Variants in PRSS12 observed in about 807,000 individuals in gnomAD.
The protein encoded by PRSS12 is neurotrypsin.
A neutral mutation model predicts 104.4 loss-of-function variants in PRSS12; 85 were observed. That is an observed-to-expected ratio of 0.81 (90% CI 0.68 to 0.98). The LOEUF is 0.98. PRSS12 is among the 50% of genes least tolerant of loss of function. The probability of loss-of-function intolerance (pLI) is 0.00; values close to 1 mark genes in which losing one functional copy is unlikely to be tolerated. For missense variants in PRSS12, 1,141 were observed against 1,139.2 expected (o/e 1.00, Z -0.02); for synonymous variants, 454 against 425.2 (o/e 1.07, Z -0.83).
chr4:118,319,629 G>A (rs1189403096), intron 4 of PRSS12, among the ~76,000 whole-genome samples: 1 of 151,968 alleles, frequency 6.6e-6, no homozygotes, highest in Non-Finnish European at 1.5e-5. Context: ...TGTTTAAACT[G>A]CTGTTATTTT....
intron 4 of PRSS12, among the ~76,000 whole-genome samples, chr4:118,327,211 G>C (rs1404017711): frequency 6.6e-6 from 1 of 152,056 alleles, no homozygotes; most frequent in Non-Finnish European, 1.5e-5. Flanking sequence ...CTGGAGTGCA[G>C]TGGTGCAACT....
At chr4:118,340,508 T>C (rs142411733) in intron 1 of PRSS12, among the ~76,000 whole-genome samples, 3 of 152,332 alleles carry the variant, frequency 2.0e-5, no homozygotes, top group African/African-American at 7.2e-5. Flanking sequence ...ACCATCTACC[T>C]AGGACTCAGA....
intron 8 of PRSS12, among the ~76,000 whole-genome samples, chr4:118,305,024 A>G (rs1743507394): frequency 1.3e-5 from 2 of 151,518 alleles, no homozygotes; most frequent in African/African-American, 4.8e-5. Flanking sequence ...TAAGTCCTTT[A>G]TTAAAGATTT....
intron 9 of PRSS12, among the ~76,000 whole-genome samples, chr4:118,296,483 A>C (rs1269594333): frequency 6.6e-6 from 1 of 152,216 alleles, no homozygotes; most frequent in Non-Finnish European, 1.5e-5. Context: ...AAAATATATA[A>C]AAAGGTGGTA....
chr4:118,315,969 G>A (rs763098611), intron 6 of PRSS12, among the ~76,000 whole-genome samples: 4 of 152,166 alleles, frequency 2.6e-5, no homozygotes, highest in Non-Finnish European at 4.4e-5. Context: ...AAGAAGAGGG[G>A]TCATGGCAGG....
chr4:118,337,835 T>A (rs1724100069), intron 2 of PRSS12, among the ~76,000 whole-genome samples: 1 of 152,052 alleles, frequency 6.6e-6, no homozygotes, highest in Non-Finnish European at 1.5e-5. Flanking sequence ...GAAATTATAA[T>A]TTTTAGAATC....
intron 4 of PRSS12, among the ~76,000 whole-genome samples, chr4:118,321,257 CTTAA>C (rs1047951862): frequency 3.3e-5 from 5 of 152,108 alleles, no homozygotes; most frequent in Admixed American, 2.0e-4. Flanking sequence ...TCAATAAATG[CTTAA>C]TTAATAGGAT....
intron 8 of PRSS12, among the ~76,000 whole-genome samples, chr4:118,307,831 C>G (rs1294399376): frequency 6.6e-6 from 1 of 152,030 alleles, no homozygotes; most frequent in Non-Finnish European, 1.5e-5. Context: ...CACTACACAG[C>G]ACTTCGGTAC....
At chr4:118,350,755 A>C (rs549946830) in intron 1 of PRSS12, among the ~76,000 whole-genome samples, 1 of 152,228 alleles carries the variant, frequency 6.6e-6, no homozygotes, top group East Asian at 1.9e-4. Flanking sequence ...TCAGAAAGAG[A>C]GCAACAGATC....
At chr4:118,300,405 C>T (rs1560768773) in intron 8 of PRSS12, among the ~76,000 whole-genome samples, 1 of 151,998 alleles carries the variant, frequency 6.6e-6, no homozygotes. Flanking sequence ...TGTTTAATAA[C>T]ACATTTTAAA....
At position 118,310,557 on chromosome 4, in the gene PRSS12, GT is replaced by G. The variant is rs1486416148; in HGVS notation, c.1490-1981del. ...TTACAGAAATAATAATACATAGCAT[GT>G]TTTATTTCCAAAATCTTAAATATAT... On this transcript the variant is annotated intron_variant, in intron 7 of 12. Coordinates refer to ENST00000296498, the MANE Select transcript of PRSS12 (RefSeq NM_003619.4). Among the ~76,000 whole-genome samples, 19 of 152,190 alleles carry G rather than the reference GT, an allele frequency of 1.2e-4. No homozygotes were observed. The South Asian group carries it at 3.9e-3, about 32-fold the overall frequency.
At chr4:118,299,189 T>C (rs569129007) in intron 8 of PRSS12, among the ~76,000 whole-genome samples, 2 of 152,330 alleles carry the variant, frequency 1.3e-5, no homozygotes, top group South Asian at 4.1e-4. Context: ...GAAACTTACA[T>C]TTAATGGCAC....
intron 11 of PRSS12, among the ~76,000 whole-genome samples, chr4:118,294,172 C>A (rs1382996462): frequency 6.6e-6 from 1 of 152,174 alleles, no homozygotes; most frequent in African/African-American, 2.4e-5. Flanking sequence ...TTTAAAACTT[C>A]ATTGTGACAA....
In PRSS12 at chr4:118,330,726, A is replaced by G. The variant is rs113996440; in HGVS notation, c.971+990T>C. ...GTTGTGATAATGATAATTTGGCTAC[A>G]TAGAACAATGTTCTTATTTGTAAGA... On this transcript the variant is annotated intron_variant, in intron 4 of 12. Coordinates refer to ENST00000296498, the MANE Select transcript of PRSS12 (RefSeq NM_003619.4). Among the ~76,000 whole-genome samples, 617 of 152,360 alleles carry G rather than the reference A, an allele frequency of 4.0e-3. 6 individuals are homozygous for G. The highest frequency in any genetic ancestry group is 0.014 in the African/African-American group (579 of 41,586).
At chr4:118,325,956 C>T (rs184924157) in intron 4 of PRSS12, among the ~76,000 whole-genome samples, 45 of 152,242 alleles carry the variant, frequency 3.0e-4, no homozygotes, top group African/African-American at 8.9e-4. Context: ...TTTCCAATCC[C>T]TATTCAAAAC....
intron 11 of PRSS12, among the ~76,000 whole-genome samples, chr4:118,290,243 A>G (rs1743099072): frequency 6.6e-6 from 1 of 152,194 alleles, no homozygotes; most frequent in Non-Finnish European, 1.5e-5. Context: ...AACAAAAAAA[A>G]GAGCCCATCC....
At chr4:118,298,031 G>C (rs1366196577) in intron 9 of PRSS12, among the ~76,000 whole-genome samples, 4 of 151,524 alleles carry the variant, frequency 2.6e-5, no homozygotes, top group African/African-American at 9.7e-5. Context: ...CCAGCTACTC[G>C]GGAGGCTGAG....
chr4:118,352,756 A>C lies in PRSS12; in HGVS notation c.-36T>G. The C allele has an allele frequency of 6.3e-7, 1 of 1,591,074 alleles. No individual in the cohort carries two copies. Among genetic ancestry groups the C allele is most frequent in the Non-Finnish European group, 8.6e-7 (1 of 1,166,886 alleles). ...CTGCGGGGTCTGGTCCATGCTCCCCAGCTTCTCGGGCTTGGAGCGGAGAAG... is the reference window on the plus strand; with the variant it reads ...CTGCGGGGTCTGGTCCATGCTCCCCCGCTTCTCGGGCTTGGAGCGGAGAAG... On this transcript the variant is annotated 5_prime_UTR_variant, in exon 1 of 13. Transcript: ENST00000296498.
chr4:118,334,129 C>G (rs1182645908), intron 3 of PRSS12, among the ~76,000 whole-genome samples: 2 of 152,144 alleles, frequency 1.3e-5, no homozygotes, highest in African/African-American at 4.8e-5. Flanking sequence ...TTCAGCTATA[C>G]AACTCCACAT....
Sources: gnomAD v4.1 joint callset for allele counts (sites outside exome capture counted in the v4.1 genomes callset) on GRCh38, gnomAD v4.1.1 for gene constraint, MANE v1.5 for transcripts, NCBI Gene and HGNC (gene_info 2026-07-23, HGNC 2026-07-21) for gene names.